Variants in ABHD2 observed in about 807,000 individuals in gnomAD.
ABHD2 encodes the protein abhydrolase domain containing 2, acylglycerol lipase, also known as monoacylglycerol lipase ABHD2.
In ABHD2, 20 loss-of-function variants were observed where a neutral mutation model predicts 48.1. The ratio of observed to expected loss-of-function variants is 0.42; its 90% CI spans 0.29 to 0.60. The LOEUF (loss-of-function observed/expected upper bound fraction) is 0.60, where lower values mean the gene tolerates loss of function less well. Ranked by LOEUF, ABHD2 falls within the 20% of genes least tolerant of loss-of-function variation. The probability of loss-of-function intolerance (pLI) is 0.24; values close to 1 mark genes in which losing one functional copy is unlikely to be tolerated. For missense variants in ABHD2, 405 were observed against 550.9 expected, an observed-to-expected ratio of 0.74 and a Z score of 2.65; for synonymous variants, 209 against 214.2, an observed-to-expected ratio of 0.98 and a Z score of 0.21.
chr15:89,114,160 G>A lies in ABHD2; in HGVS notation c.-7+336G>A, dbSNP rs959397980. The stretch of plus-strand genomic sequence containing the variant: ...TTTGTTTAGCCTTTGTTTGGCATCC[G>A]TGGCAGGGTTTGGACAAGGTGAGGA... On this transcript the variant is annotated intron_variant, in intron 2 of 10. Transcript: ENST00000352732. This position sits in a 1 kb window ranked among gnomAD's most constrained non-coding sequence, Gnocchi z 4.2. Among the ~76,000 whole-genome samples the A allele has an allele frequency of 6.6e-6, 1 of 152,202 alleles. No individual in the cohort carries two copies. The highest frequency in any genetic ancestry group is 1.5e-5 in the Non-Finnish European group (1 of 68,042).
chr15:89,136,180 C>G (rs1416300292), intron 3 of ABHD2: 1 of 231,402 alleles, frequency 4.3e-6, no homozygotes, highest in Non-Finnish European at 8.8e-6. Flanking sequence ...CTACCCGCCT[C>G]AGCCTCCCAA....
At chr15:89,178,772 CTG>C (rs1196773242) in intron 6 of ABHD2, among the ~76,000 whole-genome samples, 5 of 152,188 alleles carry the variant, frequency 3.3e-5, no homozygotes, top group African/African-American at 9.7e-5. Context: ...CCTGGGGACT[CTG>C]TGTGGTGAGA....
Position 89,167,206 on chromosome 15 carries a change from T to G in ABHD2, c.539-8606T>G, listed in dbSNP as rs1049155963. Among the ~76,000 whole-genome samples, 1 of 152,234 alleles carries G rather than the reference T, an allele frequency of 6.6e-6. No individual in the cohort carries two copies. The highest frequency in any genetic ancestry group is 1.5e-5 in the Non-Finnish European group (1 of 68,038). Reference sequence around the variant, plus strand: ...ACAATCTTCTATTAGATCATAAACATAGGTGTTTCGATAAGCTTCTCATAT... The same window carrying G: ...ACAATCTTCTATTAGATCATAAACAGAGGTGTTTCGATAAGCTTCTCATAT... On this transcript the variant is annotated intron_variant, in intron 5 of 10. Coordinates refer to ENST00000352732, the MANE Select transcript of ABHD2 (RefSeq NM_152924.5). The surrounding 1 kb of genome is among the most constrained non-coding windows in gnomAD (Gnocchi z 5.5).
Position 89,176,053 on chromosome 15 carries a change from C to G in ABHD2, c.722+58C>G. ...AGTTAGCCCTTATTTATAGAGATGC[C>G]CCGACGCACAACACACTGTTCTGTG... On this transcript the variant is annotated intron_variant, in intron 6 of 10. Transcript: ENST00000352732. This position sits in a 1 kb window ranked among gnomAD's most constrained non-coding sequence, Gnocchi z 4.5. 6.7e-7 allele frequency: 1 copy of G among 1,492,958 alleles called. No individual in the cohort carries two copies. Among genetic ancestry groups the G allele is most frequent in the Non-Finnish European group, 9.0e-7 (1 of 1,105,144 alleles). The allele number at this position is 1,492,958 out of a possible 1,614,324, so 92.5% of individuals were successfully genotyped here.
upstream of ABHD2, among the ~76,000 whole-genome samples, chr15:89,083,005 C>A (rs191890972): frequency 6.6e-6 from 1 of 152,192 alleles, no homozygotes; most frequent in Admixed American, 6.5e-5. This position sits in a 1 kb window ranked among gnomAD's most constrained non-coding sequence, Gnocchi z 5.1. Context: ...CAGGCGCCTG[C>A]CACCACGCTG....
At chr15:89,191,261 C>T (rs1362112113) in intron 9 of ABHD2, 112 bp downstream of exon 9, 1 of 1,040,090 alleles carries the variant, frequency 9.6e-7, no homozygotes, top group African/African-American at 1.6e-5. Flanking sequence ...GAATCTGGCT[C>T]CAACCGCTCT....
At chr15:89,132,054 A>G (rs1218449728) in intron 3 of ABHD2, among the ~76,000 whole-genome samples, 1 of 152,252 alleles carries the variant, frequency 6.6e-6, no homozygotes, top group Non-Finnish European at 1.5e-5. Flanking sequence ...AACATGAAAA[A>G]AAAATTCAAG....
chr15:89,078,732 T>TG, the ABHD2 span, among the ~76,000 whole-genome samples: 5 of 151,302 alleles, frequency 3.3e-5, no homozygotes, highest in Non-Finnish European at 7.4e-5. Context: ...AGGCTTTTTT[T>TG]TTTTCTTTTT....
intron 3 of ABHD2, among the ~76,000 whole-genome samples, chr15:89,131,029 C>A (rs2050210804): frequency 6.6e-6 from 1 of 152,174 alleles, no homozygotes; most frequent in East Asian, 1.9e-4. Flanking sequence ...TGCTTCACTG[C>A]AGGACGTCAT....
chr15:89,105,605 A>G (rs1263353120), intron 1 of ABHD2, among the ~76,000 whole-genome samples: 3 of 152,244 alleles, frequency 2.0e-5, no homozygotes, highest in Non-Finnish European at 4.4e-5. Flanking sequence ...CTCTTCTACT[A>G]AATTGTGTGT....
chr15:89,191,487 G>A (rs966838529), intron 9 of ABHD2, among the ~76,000 whole-genome samples: 5 of 151,988 alleles, frequency 3.3e-5, no homozygotes, highest in African/African-American at 7.3e-5. Context: ...CTTACCATCC[G>A]GGACCCTCTT....
chr15:89,096,703 G>A (rs539884849), intron 1 of ABHD2, among the ~76,000 whole-genome samples: 4 of 152,258 alleles, frequency 2.6e-5, no homozygotes, highest in African/African-American at 7.2e-5. Flanking sequence ...AAGTTATTTG[G>A]AGAACTTGAG....
Position 89,193,217 on chromosome 15 carries a change from T to G in ABHD2, c.997-18T>G. On this transcript the variant is annotated intron_variant, in intron 9 of 10. Coordinates refer to ENST00000352732, the MANE Select transcript of ABHD2 (RefSeq NM_152924.5). The stretch of plus-strand genomic sequence containing the variant: ...ATGGGAATCAGTAGTTTAATTCTGC[T>G]TTATGTTCTTGTTGCAGATTTATGT... 2 of 1,612,476 alleles carry G rather than the reference T, an allele frequency of 1.2e-6. No individual in the cohort carries two copies. Among genetic ancestry groups the G allele is most frequent in the Non-Finnish European group, 1.7e-6 (2 of 1,178,436 alleles).
intron 3 of ABHD2, among the ~76,000 whole-genome samples, chr15:89,149,548 A>C (rs1450749411): frequency 6.6e-6 from 1 of 152,140 alleles, no homozygotes; most frequent in Admixed American, 6.5e-5. Flanking sequence ...CATCTAAAGT[A>C]ATCAAGTCAC....
the ABHD2 span, among the ~76,000 whole-genome samples, chr15:89,075,863 C>T: frequency 6.6e-6 from 1 of 152,168 alleles, no homozygotes; most frequent in African/African-American, 2.4e-5. The surrounding 1 kb of genome is among the most constrained non-coding windows in gnomAD (Gnocchi z 4.1). Flanking sequence ...ACCAGAGGTG[C>T]TTCCCAAGCA....
the ABHD2 span, among the ~76,000 whole-genome samples, chr15:89,056,332 A>G: frequency 6.6e-6 from 1 of 152,192 alleles, no homozygotes; most frequent in African/African-American, 2.4e-5. Flanking sequence ...AAGAATATGT[A>G]TGGATTTTGC....
chr15:89,160,197 C>T (rs1302045402), intron 5 of ABHD2, among the ~76,000 whole-genome samples: 4 of 152,232 alleles, frequency 2.6e-5, no homozygotes, highest in East Asian at 3.8e-4. Context: ...TGGCCTAACA[C>T]GTTAGAGCAA....
chr15:89,101,975 G>T (rs1485234977), intron 1 of ABHD2, among the ~76,000 whole-genome samples: 1 of 152,104 alleles, frequency 6.6e-6, no homozygotes, highest in African/African-American at 2.4e-5. Flanking sequence ...AGCCCTATGC[G>T]CACAGCCAAG....
At chr15:89,068,027 T>C in the ABHD2 span, among the ~76,000 whole-genome samples, 1 of 152,214 alleles carries the variant, frequency 6.6e-6, no homozygotes, top group Non-Finnish European at 1.5e-5. Flanking sequence ...GGAGAATTTC[T>C]TTCTCAAAGA....
Sources: gnomAD v4.1 joint callset for allele counts (sites outside exome capture counted in the v4.1 genomes callset) on GRCh38, gnomAD v4.1.1 for gene constraint, Gnocchi (gnomAD v3.1) non-coding constraint, MANE v1.5 for transcripts, NCBI Gene and HGNC (gene_info 2026-07-23, HGNC 2026-07-21) for gene names.